CACNA2D2: variants seen among roughly 807,000 people sequenced by gnomAD.
The protein encoded by CACNA2D2 is calcium voltage-gated channel auxiliary subunit alpha2delta 2, also known as voltage-dependent calcium channel subunit alpha-2/delta-2.
Under a neutral mutation model 166.4 loss-of-function variants are expected in CACNA2D2, and 48 were observed. That is an observed-to-expected ratio of 0.29 (90% CI 0.23 to 0.37). The LOEUF is 0.37. Ranked by LOEUF, CACNA2D2 falls within the 10% of genes least tolerant of loss-of-function variation. The pLI, the probability that CACNA2D2 is intolerant of heterozygous loss-of-function variation, is 1.00. For synonymous variants in CACNA2D2, 561 were observed against 573.7 expected (o/e 0.98, Z 0.32); for missense variants, 1,122 against 1,433.0 (o/e 0.78, Z 3.50).
chr3:50,476,279 CTGGGGGCAA>C (rs1697762384), intron 1 of CACNA2D2, 80 bp from the exon 2 acceptor site: 1 of 1,107,148 alleles, frequency 9.0e-7, no homozygotes, highest in East Asian at 2.6e-5. Context: ...CCCGGGGGCA[CTGGGGGCAA>C]CTATCCACTC....
In CACNA2D2 at chr3:50,364,911, T is replaced by C. The variant is rs1704143984; in HGVS notation, c.3268A>G (p.Ile1090Val). The C allele has an allele frequency of 3.1e-6, 5 of 1,613,244 alleles. No individual in the cohort carries two copies. The East Asian group carries it at 1.1e-4, about 36-fold the overall frequency. The change falls in exon 37 of 38, where the codon ATC becomes GTC. Residue 1090 changes from isoleucine to valine, a missense_variant. Around this residue, in one of 2 missense-constraint regions of CACNA2D2, gnomAD observed 282 missense variants for 266.2 expected, o/e 1.06. Transcript: ENST00000424201. ...QRPRYRRGPHICFDYNATEDT... is the reference protein window; with the variant it reads ...QRPRYRRGPHVCFDYNATEDT... The stretch of plus-strand genomic sequence containing the variant: ...ACTGTCGCGTTGTAGTCGAAGCAGA[T>C]GTGCGGGCCTCTCCGGTATCGCGGT...
intron 2 of CACNA2D2, among the ~76,000 whole-genome samples, chr3:50,469,874 C>T (rs966113223): frequency 6.6e-6 from 1 of 152,196 alleles, no homozygotes; most frequent in Admixed American, 6.5e-5. Context: ...CCTACCGCTT[C>T]TCTCCCACTC....
chr3:50,378,679 G>C (rs751437671), intron 13 of CACNA2D2, among the ~76,000 whole-genome samples: 9 of 152,386 alleles, frequency 5.9e-5, no homozygotes, highest in Non-Finnish European at 1.2e-4. Context: ...AGACGCAGGA[G>C]TAGACAAGCT....
chr3:50,454,422 C>T (rs558855139), intron 2 of CACNA2D2, among the ~76,000 whole-genome samples: 2 of 152,344 alleles, frequency 1.3e-5, no homozygotes, highest in East Asian at 3.9e-4. Flanking sequence ...AACAGCCCCC[C>T]AGCCACCCCC....
At chr3:50,390,916 G>A (rs1358523390) in intron 4 of CACNA2D2, among the ~76,000 whole-genome samples, 8 of 152,224 alleles carry the variant, frequency 5.3e-5, no homozygotes, top group Admixed American at 5.2e-4. Context: ...CCCACCAGCT[G>A]CCTGTGCAGG....
intron 16 of CACNA2D2, 27 bp downstream of exon 16, chr3:50,377,705 A>T: frequency 6.2e-7 from 1 of 1,604,254 alleles, no homozygotes; most frequent in Non-Finnish European, 8.5e-7. Flanking sequence ...AGGCACACCC[A>T]TAGCCCCAAC....
intron 2 of CACNA2D2, among the ~76,000 whole-genome samples, chr3:50,443,968 G>A (rs1219161535): frequency 5.9e-5 from 9 of 152,326 alleles, no homozygotes; most frequent in East Asian, 5.8e-4. Context: ...AACAGTCATT[G>A]TGGCCCAGAG....
chr3:50,398,591 G>A (rs1297497895), intron 3 of CACNA2D2, among the ~76,000 whole-genome samples: 1 of 152,142 alleles, frequency 6.6e-6, no homozygotes, highest in Non-Finnish European at 1.5e-5. Flanking sequence ...TGTGATCCTG[G>A]GTGTGTGGTT....
chr3:50,500,648 C>A (rs1249535530), intron 1 of CACNA2D2, among the ~76,000 whole-genome samples: 1 of 152,146 alleles, frequency 6.6e-6, no homozygotes, highest in African/African-American at 2.4e-5. Context: ...CCACACCCAG[C>A]CGGACAAGTG....
chr3:50,370,169 A>C, intron 23 of CACNA2D2, 151 bp downstream of exon 23: 1 of 653,872 alleles, frequency 1.5e-6, no homozygotes, highest in Non-Finnish European at 2.8e-6. Flanking sequence ...CTGGGTATGC[A>C]CACAGCCGCG....
intron 2 of CACNA2D2, among the ~76,000 whole-genome samples, chr3:50,459,686 G>A (rs1709512017): frequency 6.6e-6 from 1 of 152,214 alleles, no homozygotes; most frequent in South Asian, 2.1e-4. Context: ...CCAGGAATGT[G>A]AACCTGATGG....
intron 3 of CACNA2D2, among the ~76,000 whole-genome samples, chr3:50,421,842 T>G (rs1707577018): frequency 6.6e-6 from 1 of 152,130 alleles, no homozygotes; most frequent in Non-Finnish European, 1.5e-5. Context: ...GGAAAGGCCA[T>G]GCCCTCTGAC....
chr3:50,367,718 G>A lies in CACNA2D2; in HGVS notation c.2235-14C>T. 6.2e-7 allele frequency: 1 copy of A among 1,612,414 alleles called. No individual in the cohort carries two copies. ...AGTAGGCTGTACCTGGGGGTAGCAG[G>A]GGGGTGGGGTCACAGGCCTGCCTTC... On this transcript the variant is annotated splice_polypyrimidine_tract_variant and intron_variant, in intron 25 of 37. Coordinates refer to ENST00000424201, the MANE Select transcript of CACNA2D2 (RefSeq NM_006030.4). The surrounding 1 kb of genome is among the most constrained non-coding windows in gnomAD (Gnocchi z 6.5).
intron 2 of CACNA2D2, among the ~76,000 whole-genome samples, chr3:50,468,442 G>GTGTGTGTGTGTGTGT (rs1553751798): frequency 1.9e-5 from 1 of 52,574 alleles, no homozygotes. Context: ...TGTGTGTGTG[G>GTGTGTGTGTGTGTGT]CTTTAGGAAA....
intron 2 of CACNA2D2, among the ~76,000 whole-genome samples, chr3:50,439,541 C>A (rs547637376): frequency 3.4e-4 from 52 of 152,350 alleles, no homozygotes; most frequent in Admixed American, 7.2e-4. Context: ...TCCGGGGAGA[C>A]TGGCGCTCCA....
rs1346736959 is a variant in CACNA2D2, at chr3:50,367,062, C to T, written c.2449G>A (p.Val817Ile). ...AGGCTGAGCTCCACAGCTGTGCTGA[C>T]GAGGATGCCCACAGTGTCATTCTCC... Reference protein sequence around the residue: ...ELENDTVGILVSTAVELSLGR... With the variant: ...ELENDTVGILISTAVELSLGR... The change falls in exon 28 of 38, where the codon GTC becomes ATC. Residue 817 changes from valine (V) to isoleucine (I), a missense_variant. By Grantham distance (29) the Val-to-Ile change is conservative (BLOSUM62 3). Coordinates refer to ENST00000424201, the MANE Select transcript of CACNA2D2 (RefSeq NM_006030.4). The surrounding 1 kb of genome is among the most constrained non-coding windows in gnomAD (Gnocchi z 6.5). 6.8e-6 allele frequency: 11 copies of T among 1,613,758 alleles called. No individual in the cohort carries two copies. The highest frequency in any genetic ancestry group is 1.3e-5 in the African/African-American group (1 of 75,048).
chr3:50,453,840 G>A (rs917232317), intron 2 of CACNA2D2, among the ~76,000 whole-genome samples: 2 of 152,150 alleles, frequency 1.3e-5, no homozygotes, highest in South Asian at 2.1e-4. Context: ...TGAGGGCCAC[G>A]GCTGGGAGGT....
At chr3:50,430,688 C>A (rs1415435857) in intron 3 of CACNA2D2, among the ~76,000 whole-genome samples, 7 of 152,168 alleles carry the variant, frequency 4.6e-5, no homozygotes, top group Admixed American at 4.6e-4. Flanking sequence ...AGGCTGTAGA[C>A]TAGGACCCAG....
At chr3:50,371,482 C>T (rs1414757843) in intron 22 of CACNA2D2, among the ~76,000 whole-genome samples, 1 of 152,172 alleles carries the variant, frequency 6.6e-6, no homozygotes, top group African/African-American at 2.4e-5. Flanking sequence ...TGCTGGTCTG[C>T]ACCTGGGAGG....
Sources: allele counts gnomAD v4.1 joint callset (sites outside exome capture counted in the v4.1 genomes callset), GRCh38; gene constraint gnomAD v4.1.1; regional missense constraint gnomAD v4.1.1; non-coding constraint Gnocchi (gnomAD v3.1); transcripts MANE v1.5; gene names NCBI Gene and HGNC (gene_info 2026-07-23, HGNC 2026-07-21).